The following CMIP variants were observed in gnomAD, a reference collection of about 807,000 sequenced individuals.
CMIP encodes the protein C-Maf-inducing protein.
Under a neutral mutation model 97.3 loss-of-function variants are expected in CMIP, and 13 were observed. The ratio of observed to expected loss-of-function variants is 0.13; its 90% CI spans 0.09 to 0.21. CMIP has a LOEUF of 0.21. CMIP is among the 10% of genes least tolerant of loss of function. The pLI is 1.00. For synonymous variants in CMIP, 538 were observed against 436.3 expected (o/e 1.23, Z -2.91); for missense variants, 847 against 1,024.9 (o/e 0.83, Z 2.37).
chr16:81,638,212 A>G (rs944956786), intron 3 of CMIP, among the ~76,000 whole-genome samples: 2 of 152,196 alleles, frequency 1.3e-5, no homozygotes, highest in African/African-American at 4.8e-5. Flanking sequence ...AGGACCCACC[A>G]GATAATCCAG....
intron 3 of CMIP, among the ~76,000 whole-genome samples, chr16:81,647,263 GCCAGA>G (rs1183890797): frequency 6.6e-6 from 1 of 152,198 alleles, no homozygotes; most frequent in Non-Finnish European, 1.5e-5. Context: ...GACTTTTAAA[GCCAGA>G]CCTTGGCAAA....
chr16:81,487,591 G>T (rs184065986), intron 1 of CMIP, among the ~76,000 whole-genome samples: 11 of 152,312 alleles, frequency 7.2e-5, no homozygotes, highest in African/African-American at 2.6e-4. Context: ...CAAGGCTCTG[G>T]GCTTTGTGGT....
chr16:81,449,786 AG>A (rs1906097431), intron 1 of CMIP, among the ~76,000 whole-genome samples: 1 of 151,846 alleles, frequency 6.6e-6, no homozygotes, highest in South Asian at 2.1e-4. Flanking sequence ...GACAGAGAGG[AG>A]AAAAAGTCAA....
At chr16:81,653,409 C>T (rs769070347) in intron 4 of CMIP, among the ~76,000 whole-genome samples, 9 of 152,202 alleles carry the variant, frequency 5.9e-5, no homozygotes, top group Admixed American at 1.3e-4. Flanking sequence ...CAGGAGGAGG[C>T]GAGGTGGGAG....
chr16:81,591,216 C>A (rs1448462831), intron 1 of CMIP, among the ~76,000 whole-genome samples: 3 of 150,154 alleles, frequency 2.0e-5, no homozygotes, highest in Admixed American at 6.7e-5. Context: ...CATAATGGTA[C>A]CCCTGGCATG....
At chr16:81,569,067 A>G (rs992596576) in intron 1 of CMIP, among the ~76,000 whole-genome samples, 3 of 152,172 alleles carry the variant, frequency 2.0e-5, no homozygotes, top group Non-Finnish European at 4.4e-5. Context: ...AAGATCGTAC[A>G]TTTTACGAAG....
chr16:81,675,865 G>A (rs562733088), intron 9 of CMIP, among the ~76,000 whole-genome samples: 6 of 152,300 alleles, frequency 3.9e-5, no homozygotes, highest in African/African-American at 7.2e-5. Flanking sequence ...GGTCTGGGGC[G>A]GGGCCTGAGA....
At chr16:81,597,697 C>T (rs116078968) in intron 1 of CMIP, among the ~76,000 whole-genome samples, 1,539 of 152,238 alleles carry the variant, frequency 0.01, 31 homozygotes, top group African/African-American at 0.035. Flanking sequence ...CCAGCAGGGG[C>T]TTGGGCCAGT....
rs1236955479 is a variant in CMIP at position 81,519,683 on chromosome 16, G to A, written c.300+74142G>A. 3.3e-5 allele frequency: 5 copies of A among 152,208 alleles called. No individual in the cohort carries two copies. The East Asian group carries it at 5.8e-4, about 18-fold the overall frequency. 9.4% of individuals were successfully genotyped at this position (152,208 alleles called of 1,614,324 possible). A position where few individuals can be genotyped will look rare whatever the true frequency, so the allele number is the denominator to read the frequency against. On this transcript the variant is annotated intron_variant, in intron 1 of 20. Transcript: ENST00000537098. The stretch of plus-strand genomic sequence containing the variant: ...ATCTGTAAAGTGGGGTTGTTATGAC[G>A]ATAAGACAGGATAAAACACATGAAA...
chr16:81,573,097 A>C (rs1338481215), intron 1 of CMIP, among the ~76,000 whole-genome samples: 2 of 152,256 alleles, frequency 1.3e-5, no homozygotes, highest in South Asian at 2.1e-4. Flanking sequence ...TAATCCCAGC[A>C]CTTCGGGAGG....
intron 1 of CMIP, among the ~76,000 whole-genome samples, chr16:81,494,672 GAC>G (rs2089459163): frequency 1.3e-5 from 2 of 151,742 alleles, no homozygotes; most frequent in African/African-American, 4.9e-5. Context: ...CACACAGCAG[GAC>G]ATGGTAGCTG....
At chr16:81,461,535 C>T (rs1466442271) in intron 1 of CMIP, among the ~76,000 whole-genome samples, 1 of 152,132 alleles carries the variant, frequency 6.6e-6, no homozygotes, top group East Asian at 1.9e-4. Context: ...CAACGGGGAC[C>T]CTATTTGCCA....
At chr16:81,557,645 C>T (rs1456329514) in intron 1 of CMIP, among the ~76,000 whole-genome samples, 1 of 152,100 alleles carries the variant, frequency 6.6e-6, no homozygotes, top group Non-Finnish European at 1.5e-5. Context: ...CATGGTGGTG[C>T]ACATCTGTGG....
chr16:81,600,209 G>C (rs973292113), intron 1 of CMIP, among the ~76,000 whole-genome samples: 3 of 150,094 alleles, frequency 2.0e-5, no homozygotes, highest in Admixed American at 1.3e-4. Context: ...ACGGGAGGCG[G>C]AGGTTGCAGT....
chr16:81,529,726 A>T (rs2925987), intron 1 of CMIP, among the ~76,000 whole-genome samples: 2 of 152,076 alleles, frequency 1.3e-5, no homozygotes, highest in African/African-American at 4.8e-5. Flanking sequence ...GGCAGAGAGC[A>T]GCCTTGCAAT....
At position 81,586,566 on chromosome 16, in the gene CMIP, G is replaced by C. The variant is rs113674209; in HGVS notation, c.301-21001G>C. ...GGTGTAACTCCAAGCACTGTAGCCT[G>C]CCACGCAAGGCTCTCTGTAATCGAG... On this transcript the variant is annotated intron_variant, in intron 1 of 20. Coordinates refer to ENST00000537098, the MANE Select transcript of CMIP (RefSeq NM_198390.3). Among the ~76,000 whole-genome samples the C allele has an allele frequency of 3.0e-4, 46 of 152,240 alleles. 2 individuals carry two copies. Among genetic ancestry groups the C allele is most frequent in the African/African-American group, 1.1e-3 (45 of 41,558 alleles).
intron 1 of CMIP, among the ~76,000 whole-genome samples, chr16:81,493,983 A>T (rs977138410): frequency 3.9e-5 from 6 of 152,148 alleles, no homozygotes; most frequent in African/African-American, 1.2e-4. Flanking sequence ...CCGTTTTTTT[A>T]AAATCTCTTA....
chr16:81,467,501 G>A (rs956164421), intron 1 of CMIP, among the ~76,000 whole-genome samples: 2 of 151,904 alleles, frequency 1.3e-5, no homozygotes, highest in African/African-American at 2.4e-5. Context: ...CCCCAGGTTT[G>A]GTCTGGAAAA....
intron 1 of CMIP, among the ~76,000 whole-genome samples, chr16:81,531,598 C>T (rs2090237028): frequency 6.6e-6 from 1 of 152,226 alleles, no homozygotes; most frequent in South Asian, 2.1e-4. Flanking sequence ...CTGTGACGTG[C>T]TCACATGGCT....
Sources: allele counts gnomAD v4.1 joint callset (sites outside exome capture counted in the v4.1 genomes callset), GRCh38; gene constraint gnomAD v4.1.1; transcripts MANE v1.5; gene names NCBI Gene and HGNC (gene_info 2026-07-23, HGNC 2026-07-21).